Variants in IQSEC1 observed in about 807,000 individuals in gnomAD.
IQSEC1 encodes the protein IQ motif and Sec7 domain ArfGEF 1, also known as IQ motif and SEC7 domain-containing protein 1.
IQSEC1 carries 31 observed loss-of-function variants against 91.0 expected under a neutral mutation model. The observed-to-expected ratio is 0.34, with a 90% CI of 0.26 to 0.46. IQSEC1 has a LOEUF of 0.46. IQSEC1 is among the 20% of genes least tolerant of loss of function. IQSEC1 has a pLI of 1.00. For synonymous variants in IQSEC1, 699 were observed against 662.6 expected (o/e 1.05, Z -0.84); for missense variants, 1,388 against 1,575.6 (o/e 0.88, Z 2.02).
intron 1 of IQSEC1, among the ~76,000 whole-genome samples, chr3:13,064,767 T>C (rs1049814096): frequency 1.3e-5 from 2 of 152,252 alleles, no homozygotes; most frequent in Non-Finnish European, 2.9e-5. Context: ...ACTCGGATAG[T>C]TGCTCGCAGA....
intron 1 of IQSEC1, among the ~76,000 whole-genome samples, chr3:12,942,368 C>G (rs191719072): frequency 6.6e-6 from 1 of 151,908 alleles, no homozygotes; most frequent in Non-Finnish European, 1.5e-5. Context: ...TTTGGGAGGC[C>G]GAGGAGGGCG....
In IQSEC1 at chr3:12,900,950, TTTCAGG is replaced by T. The variant is rs1342255765; in HGVS notation, c.*27_*32del. ...GCGTGCCCTGTGTGGTGTGCAGGTG[TTTCAGG>T]GAGCCTGGGACCCCTACCCAGGCTG... On this transcript the variant is annotated 3_prime_UTR_variant, in exon 14 of 14. Transcript: ENST00000613206. 1.3e-6 allele frequency: 2 copies of T among 1,540,138 alleles called. No homozygotes were observed. The highest frequency in any genetic ancestry group is 1.7e-6 in the Non-Finnish European group (2 of 1,146,666).
At chr3:13,010,383 T>TC (rs1410660994) in intron 1 of IQSEC1, among the ~76,000 whole-genome samples, 4 of 152,190 alleles carry the variant, frequency 2.6e-5, no homozygotes, top group South Asian at 2.1e-4. Context: ...GAGTAGTTCA[T>TC]CCCCCCTGCT....
At chr3:13,256,866 G>T (rs1223482209) in intron 1 of IQSEC1, among the ~76,000 whole-genome samples, 4 of 88,484 alleles carry the variant, frequency 4.5e-5, no homozygotes, top group Admixed American at 2.0e-4. Flanking sequence ...TGGGGAGAGG[G>T]TGCAGCACCA....
chr3:12,926,020 G>C (rs1256948859), intron 3 of IQSEC1, among the ~76,000 whole-genome samples: 2 of 152,188 alleles, frequency 1.3e-5, no homozygotes, highest in East Asian at 1.9e-4. Context: ...TGGTCAAAGG[G>C]AGAGATTGGG....
intron 1 of IQSEC1, among the ~76,000 whole-genome samples, chr3:13,234,048 C>A (rs1694879028): frequency 1.3e-5 from 2 of 152,244 alleles, no homozygotes. Context: ...TCCGGGATCC[C>A]AGTGGAATTT....
At chr3:12,950,602 T>C (rs867264746) in intron 1 of IQSEC1, among the ~76,000 whole-genome samples, 2 of 151,616 alleles carry the variant, frequency 1.3e-5, no homozygotes, top group Non-Finnish European at 2.9e-5. Flanking sequence ...AGGCCAGGAG[T>C]TGAAGACCAG....
At chr3:13,010,784 C>A (rs1408382086) in intron 1 of IQSEC1, among the ~76,000 whole-genome samples, 1 of 152,204 alleles carries the variant, frequency 6.6e-6, no homozygotes, top group African/African-American at 2.4e-5. Context: ...GAGAGGCCAG[C>A]ACCCTGGGCT....
At chr3:13,231,051 T>G (rs906890586) in intron 1 of IQSEC1, among the ~76,000 whole-genome samples, 1 of 152,174 alleles carries the variant, frequency 6.6e-6, no homozygotes, top group Admixed American at 6.5e-5. Flanking sequence ...TACCATAAAT[T>G]TGATGTTTGC....
chr3:12,909,261 C>G lies in IQSEC1; in HGVS notation c.2578+12G>C. On this transcript the variant is annotated intron_variant, in intron 11 of 13. Transcript: ENST00000613206. This position sits in a 1 kb window ranked among gnomAD's most constrained non-coding sequence, Gnocchi z 4.9. ...AAGTCTCGGCCTTCTGTCCATGAGG[C>G]CTGGTACTCACACTCTATCCTGTGC... 6 of 1,613,478 alleles carry G rather than the reference C, an allele frequency of 3.7e-6. No individual in the cohort carries two copies. The highest frequency in any genetic ancestry group is 1.1e-5 in the South Asian group (1 of 91,030).
At chr3:12,942,363 G>T (rs1442669403) in intron 1 of IQSEC1, among the ~76,000 whole-genome samples, 5 of 152,198 alleles carry the variant, frequency 3.3e-5, no homozygotes, top group African/African-American at 1.2e-4. Flanking sequence ...AGCACTTTGG[G>T]AGGCCGAGGA....
intron 1 of IQSEC1, among the ~76,000 whole-genome samples, chr3:13,218,408 G>A (rs1456013059): frequency 6.6e-6 from 1 of 152,180 alleles, no homozygotes; most frequent in Non-Finnish European, 1.5e-5. Flanking sequence ...TGGCTGGTGA[G>A]AGAAAAAGAC....
At chr3:13,078,330 T>C (rs1402653067), upstream of IQSEC1, among the ~76,000 whole-genome samples, 1 of 152,070 alleles carries the variant, frequency 6.6e-6, no homozygotes, top group Non-Finnish European at 1.5e-5. Flanking sequence ...CATTAAAAAG[T>C]GGTGGCCAAT....
chr3:13,067,240 C>G (rs1051395477), intron 1 of IQSEC1, among the ~76,000 whole-genome samples: 1 of 152,200 alleles, frequency 6.6e-6, no homozygotes, highest in Non-Finnish European at 1.5e-5. Flanking sequence ...AGGAGCCATC[C>G]AACAGGCTGG....
At position 13,103,983 on chromosome 3, in the gene IQSEC1, G is replaced by T. The variant is rs1438331273; in HGVS notation, c.303-56461C>A. 6.6e-6 allele frequency among the ~76,000 whole-genome samples: 1 copy of T among 152,140 alleles called. No homozygotes were observed. Among genetic ancestry groups the T allele is most frequent in the Non-Finnish European group, 1.5e-5 (1 of 68,030 alleles). On this transcript the variant is annotated intron_variant, in intron 2 of 15. Transcript: ENST00000648114. The surrounding 1 kb of genome is among the most constrained non-coding windows in gnomAD (Gnocchi z 4.1). ...ACTAGTATCTTCATTTTATAGATGG[G>T]AAAACTCAGGCACAGAGAGTTTCAA...
At chr3:13,281,842 CAGAG>C (rs1391908774) in intron 1 of IQSEC1, among the ~76,000 whole-genome samples, 1 of 152,162 alleles carries the variant, frequency 6.6e-6, no homozygotes, top group Non-Finnish European at 1.5e-5. Flanking sequence ...ATCCCGAAGA[CAGAG>C]AGGCAGAGGG....
chr3:13,079,035 G>A lies in IQSEC1; in HGVS notation c.303-31513C>T, dbSNP rs190030608. 2.6e-5 allele frequency among the ~76,000 whole-genome samples: 4 copies of A among 152,346 alleles called. No individual in the cohort carries two copies. In the East Asian group the frequency reaches 7.7e-4, roughly 29 times the overall value. On this transcript the variant is annotated intron_variant, in intron 2 of 15. Transcript: ENST00000648114. Reference sequence around the variant, plus strand: ...TCAAAGAAGTACGATTTAGAGAGAAGCACTGCTCTCCTGAGGCCCTCACAA... The same window carrying A: ...TCAAAGAAGTACGATTTAGAGAGAAACACTGCTCTCCTGAGGCCCTCACAA...
Position 12,899,156 on chromosome 3 carries a change from C to A in IQSEC1, c.*1827G>T, listed in dbSNP as rs1016156673. 8.8e-6 allele frequency: 5 copies of A among 570,230 alleles called. No homozygotes were observed. The highest frequency in any genetic ancestry group is 4.6e-4 in the Middle Eastern group (1 of 2,166). 35.3% of individuals were successfully genotyped at this position (570,230 alleles called of 1,614,324 possible). The stretch of plus-strand genomic sequence containing the variant: ...GGTACGGTGATCTCAATGATATGAC[C>A]GAGGGTGGGAGGGATGTGAGGAGGG... On this transcript the variant is annotated 3_prime_UTR_variant, in exon 14 of 14. Coordinates refer to ENST00000613206, the MANE Select transcript of IQSEC1 (RefSeq NM_001134382.3).
At chr3:13,047,187 T>A (rs898927110) in intron 1 of IQSEC1, among the ~76,000 whole-genome samples, 15 of 152,172 alleles carry the variant, frequency 9.9e-5, no homozygotes, top group Non-Finnish European at 1.8e-4. Context: ...AACTATCAGC[T>A]GCAGCCTGAT....
Sources: allele counts gnomAD v4.1 joint callset (sites outside exome capture counted in the v4.1 genomes callset), GRCh38; gene constraint gnomAD v4.1.1; non-coding constraint Gnocchi (gnomAD v3.1); transcripts MANE v1.5; gene names NCBI Gene and HGNC (gene_info 2026-07-23, HGNC 2026-07-21).